LAMA4: variants seen among roughly 807,000 people sequenced by gnomAD.
LAMA4 encodes the protein laminin subunit alpha-4.
Under a neutral mutation model 207.1 loss-of-function variants are expected in LAMA4, and 127 were observed. That is an observed-to-expected ratio of 0.61 (90% CI 0.53 to 0.71). LAMA4 has a LOEUF of 0.71. Among genes scored for constraint, LAMA4 ranks in the 30% least tolerant of loss-of-function variants. LAMA4 has a pLI of 0.00. For synonymous variants in LAMA4, 761 were observed against 816.0 expected, an observed-to-expected ratio of 0.93 and a Z score of 1.15; for missense variants, 2,093 against 2,246.5, an observed-to-expected ratio of 0.93 and a Z score of 1.38.
intron 2 of LAMA4, among the ~76,000 whole-genome samples, chr6:112,252,511 T>C (rs2114475432): frequency 6.6e-6 from 1 of 152,318 alleles, no homozygotes; most frequent in African/African-American, 2.4e-5. Context: ...CCGGATAAAT[T>C]TGAATTTCAG....
intron 10 of LAMA4, among the ~76,000 whole-genome samples, chr6:112,177,598 C>A (rs945021471): frequency 6.6e-6 from 1 of 152,202 alleles, no homozygotes; most frequent in African/African-American, 2.4e-5. Context: ...AAGGTACAAT[C>A]ATTCACAATG....
chr6:112,130,300 TTGTGTGTGTGTG>T (rs35563593), intron 29 of LAMA4: 137 of 382,218 alleles, frequency 3.6e-4, no homozygotes, highest in African/African-American at 1.6e-3. Context: ...AGCATTATTT[TTGTGTGTGTGTG>T]TGTGTGTGTG....
intron 9 of LAMA4, among the ~76,000 whole-genome samples, chr6:112,181,187 C>T (rs781840106): frequency 6.6e-6 from 1 of 152,190 alleles, no homozygotes; most frequent in Non-Finnish European, 1.5e-5. Context: ...GAAGGCAAGA[C>T]AGCAACCCAC....
At chr6:112,223,135 C>A (rs1218702940) in intron 2 of LAMA4, among the ~76,000 whole-genome samples, 1 of 152,070 alleles carries the variant, frequency 6.6e-6, no homozygotes. Context: ...TTTCACTCCT[C>A]GCCTTCCAAG....
At chr6:112,121,077 CAA>C (rs371868100) in intron 32 of LAMA4, among the ~76,000 whole-genome samples, 5 of 134,382 alleles carry the variant, frequency 3.7e-5, no homozygotes, top group African/African-American at 5.5e-5. Flanking sequence ...GACCTTGTCT[CAA>C]AAAAAAAAAG....
At chr6:112,168,015 G>C (rs1781485697) in intron 12 of LAMA4, among the ~76,000 whole-genome samples, 1 of 151,946 alleles carries the variant, frequency 6.6e-6, no homozygotes, top group Admixed American at 6.6e-5. Flanking sequence ...AGACCATCCT[G>C]GTGAAACCCC....
At chr6:112,231,472 T>C (rs1785557182) in intron 2 of LAMA4, among the ~76,000 whole-genome samples, 1 of 152,232 alleles carries the variant, frequency 6.6e-6, no homozygotes, top group South Asian at 2.1e-4. Context: ...ACTGATGTTT[T>C]AGTTTTTAAC....
At chr6:112,201,159 C>G (rs990293872) in intron 5 of LAMA4, among the ~76,000 whole-genome samples, 1 of 152,004 alleles carries the variant, frequency 6.6e-6, no homozygotes, top group Non-Finnish European at 1.5e-5. Context: ...AAAGAATGGG[C>G]GAAATAACAG....
intron 13 of LAMA4, among the ~76,000 whole-genome samples, chr6:112,161,243 A>T (rs1359732815): frequency 6.6e-6 from 1 of 152,170 alleles, no homozygotes; most frequent in Non-Finnish European, 1.5e-5. Context: ...TTTATTATTC[A>T]TTCATGTGTC....
chr6:112,167,708 T>C (rs782179804), intron 12 of LAMA4, among the ~76,000 whole-genome samples: 4 of 152,184 alleles, frequency 2.6e-5, no homozygotes, highest in Non-Finnish European at 4.4e-5. Context: ...CATTTGTCCA[T>C]CCATCTGTTC....
At chr6:112,176,767 C>T (rs1782048380) in intron 10 of LAMA4, among the ~76,000 whole-genome samples, 2 of 152,186 alleles carry the variant, frequency 1.3e-5, no homozygotes, top group South Asian at 2.1e-4. Flanking sequence ...AAGGGAAATA[C>T]AGACAATAGT....
At chr6:112,151,399 T>C (rs187025517) in intron 16 of LAMA4, among the ~76,000 whole-genome samples, 1 of 152,194 alleles carries the variant, frequency 6.6e-6, no homozygotes, top group Non-Finnish European at 1.5e-5. Flanking sequence ...CTCATTTCCA[T>C]ATAAATTCTA....
At chr6:112,208,729 AG>A (rs1345910230) in intron 3 of LAMA4, among the ~76,000 whole-genome samples, 1 of 152,210 alleles carries the variant, frequency 6.6e-6, no homozygotes, top group East Asian at 1.9e-4. Flanking sequence ...CATTAGTCAA[AG>A]GGGAAGAATC....
intron 2 of LAMA4, among the ~76,000 whole-genome samples, chr6:112,229,021 A>G (rs782387974): frequency 6.6e-6 from 1 of 152,222 alleles, no homozygotes; most frequent in African/African-American, 2.4e-5. Context: ...CAGACAGTCC[A>G]AGGTCAAGGA....
chr6:112,192,716 G>A (rs1202100195), intron 5 of LAMA4, among the ~76,000 whole-genome samples: 1 of 152,172 alleles, frequency 6.6e-6, no homozygotes, highest in Non-Finnish European at 1.5e-5. Flanking sequence ...GCCAAGCTGT[G>A]CACTCTAGGT....
In LAMA4 at chr6:112,131,128, T is replaced by A. The variant is rs370868487; in HGVS notation, c.3835-27A>T. ...TGAAATGCAAGCACAGGCATGTAAG[T>A]AGGGAGTCTAGGGATCCAAAAGACG... On this transcript the variant is annotated intron_variant, in intron 28 of 38. Transcript: ENST00000230538. The A allele has an allele frequency of 1.6e-5, 25 of 1,609,452 alleles. No homozygotes were observed. In the African/African-American group the frequency reaches 3.1e-4, roughly 20 times the overall value.
At chr6:112,151,239 C>T (rs1780385327) in intron 16 of LAMA4, among the ~76,000 whole-genome samples, 1 of 152,128 alleles carries the variant, frequency 6.6e-6, no homozygotes, top group Non-Finnish European at 1.5e-5. Context: ...TGTTTTTAAA[C>T]ATTATTCAAG....
chr6:112,200,145 T>C (rs2114997016), intron 5 of LAMA4: 1 of 533,322 alleles, frequency 1.9e-6, no homozygotes, highest in South Asian at 1.4e-5. Context: ...AGTCATTCAG[T>C]GGAAAGCCTC....
chr6:112,162,401 G>C (rs1554338626), intron 13 of LAMA4, among the ~76,000 whole-genome samples: 1 of 152,060 alleles, frequency 6.6e-6, no homozygotes, highest in Non-Finnish European at 1.5e-5. Flanking sequence ...GAACCCAGGA[G>C]GCAGAGGTTG....
Sources: gnomAD v4.1 joint callset for allele counts (sites outside exome capture counted in the v4.1 genomes callset) on GRCh38, gnomAD v4.1.1 for gene constraint, MANE v1.5 for transcripts, NCBI Gene and HGNC (gene_info 2026-07-23, HGNC 2026-07-21) for gene names.